FAM76A: variants seen among roughly 807,000 people sequenced by gnomAD.
FAM76A encodes family with sequence similarity 76 member A.
In FAM76A, 32 loss-of-function variants were observed where a neutral mutation model predicts 46.2. The observed-to-expected ratio is 0.69, with a 90% CI of 0.52 to 0.93. The LOEUF (loss-of-function observed/expected upper bound fraction) is 0.93. Ranked by LOEUF, FAM76A falls within the 40% of genes least tolerant of loss-of-function variation. The probability of loss-of-function intolerance (pLI) is 0.00; values close to 1 mark genes in which losing one functional copy is unlikely to be tolerated. For missense variants in FAM76A, 274 were observed against 361.5 expected, an observed-to-expected ratio of 0.76 and a Z score of 1.96; for synonymous variants, 137 against 127.0, an observed-to-expected ratio of 1.08 and a Z score of -0.53.
intron 1 of FAM76A, 79 bp downstream of exon 1, chr1:27,726,240 C>T (rs2087856455): frequency 1.3e-5 from 15 of 1,168,578 alleles, no homozygotes; most frequent in Non-Finnish European, 1.6e-5. Context: ...TGGGGACGCC[C>T]GGCGGGGTCC....
intron 4 of FAM76A, 24 bp from the exon 5 acceptor site, chr1:27,744,627 CTTT>C (rs762953464): frequency 1.2e-5 from 19 of 1,611,790 alleles, no homozygotes; most frequent in Non-Finnish European, 1.6e-5. Context: ...ATTCCCTCTT[CTTT>C]ATCTTTGTCT....
At chr1:27,727,829 A>G (rs1484642891) in intron 2 of FAM76A, among the ~76,000 whole-genome samples, 3 of 97,316 alleles carry the variant, frequency 3.1e-5, no homozygotes, top group African/African-American at 1.1e-4. Flanking sequence ...TTTTTTTGAG[A>G]TGGAGTCTCA....
intron 6 of FAM76A, among the ~76,000 whole-genome samples, chr1:27,754,290 G>C (rs2088376700): frequency 6.6e-6 from 1 of 151,874 alleles, no homozygotes; most frequent in African/African-American, 2.4e-5. Flanking sequence ...ATTTTTAGTA[G>C]AGATGAGGTT....
intron 4 of FAM76A, among the ~76,000 whole-genome samples, chr1:27,739,615 C>T (rs998833309): frequency 2.6e-5 from 4 of 151,932 alleles, no homozygotes; most frequent in African/African-American, 4.8e-5. Context: ...GGCAAAAGCC[C>T]GTCTCTATAA....
intron 2 of FAM76A, 32 bp downstream of exon 2, chr1:27,727,568 T>C (rs2087881685): frequency 1.3e-6 from 2 of 1,546,562 alleles, no homozygotes; most frequent in Admixed American, 3.4e-5. Context: ...AAGATATTAA[T>C]AGGCTTTTTT....
chr1:27,757,747 C>T (rs568589582), intron 7 of FAM76A, among the ~76,000 whole-genome samples: 15 of 152,164 alleles, frequency 9.9e-5, no homozygotes, highest in South Asian at 4.1e-4. Context: ...GAGGCCAAGG[C>T]GGGTGGATCA....
At chr1:27,744,533 A>G (rs2088208647) in intron 4 of FAM76A, 121 bp from the exon 5 acceptor site, 20 of 1,026,482 alleles carry the variant, frequency 1.9e-5, no homozygotes, top group Non-Finnish European at 2.8e-5. Context: ...TGACATGCCC[A>G]AAGTCACAGC....
chr1:27,727,427 C>A (rs1228685918), intron 1 of FAM76A, 45 bp from the exon 2 acceptor site: 2 of 1,554,436 alleles, frequency 1.3e-6, no homozygotes, highest in South Asian at 2.2e-5. Context: ...AAGGCTGTTT[C>A]CATTTGTGAC....
In FAM76A at chr1:27,744,757, G is replaced by T; in HGVS notation, c.458G>T (p.Gly153Val). 6.2e-7 allele frequency: 1 copy of T among 1,614,144 alleles called. No individual in the cohort carries two copies. The highest frequency in any genetic ancestry group is 2.2e-5 in the East Asian group (1 of 44,884). ...CACCTGAGTAGCTCTTCTCGTGCTG[G>T]CCACCAGGAGAAGGAGCAGTATAGT... is the stretch of plus-strand genomic sequence containing the variant. ...RKHLSSSSRA[G>V]HQEKEQYSRL... Residue 153 changes from glycine to valine, a missense_variant, in exon 5 of 9, where the codon GGC (glycine) becomes GTC (valine). Gly to Val is a moderately radical substitution (Grantham distance 109, BLOSUM62 -3). Transcript: ENST00000373954.
At chr1:27,751,228 T>A (rs978820228) in intron 6 of FAM76A, among the ~76,000 whole-genome samples, 3 of 152,228 alleles carry the variant, frequency 2.0e-5, no homozygotes, top group Non-Finnish European at 4.4e-5. Flanking sequence ...AATTTGAAAA[T>A]TTGGAAATGT....
At chr1:27,749,823 A>C (rs1384598768) in intron 6 of FAM76A, among the ~76,000 whole-genome samples, 2 of 152,214 alleles carry the variant, frequency 1.3e-5, no homozygotes, top group African/African-American at 4.8e-5. Flanking sequence ...AACATTCAGA[A>C]AGCCAGCCCA....
chr1:27,741,550 TA>T (rs200110763), intron 4 of FAM76A, among the ~76,000 whole-genome samples: 1 of 151,848 alleles, frequency 6.6e-6, no homozygotes, highest in East Asian at 1.9e-4. Flanking sequence ...AGCTACACTA[TA>T]AAAAAAATTT....
chr1:27,742,299 C>A (rs1262350479), intron 4 of FAM76A, among the ~76,000 whole-genome samples: 2 of 152,206 alleles, frequency 1.3e-5, no homozygotes, highest in African/African-American at 4.8e-5. Context: ...AGTGTGTCCT[C>A]CAGTGGTTTT....
At chr1:27,727,621 T>C (rs1470265567) in intron 2 of FAM76A, 85 bp downstream of exon 2, 10 of 955,142 alleles carry the variant, frequency 1.0e-5, no homozygotes, top group Non-Finnish European at 1.7e-5. Context: ...GTACAGATGC[T>C]ATAATCAGTT....
At position 27,734,126 on chromosome 1, in the gene FAM76A, T is replaced by C. The variant is rs757885667; in HGVS notation, c.297T>C (p.Tyr99=). 3.7e-6 allele frequency: 6 copies of C among 1,612,952 alleles called. No homozygotes were observed. The highest frequency in any genetic ancestry group is 1.7e-5 in the Admixed American group (1 of 59,680). The change falls in exon 4 of 9, where the codon TAT becomes TAC. Residue 99 remains tyrosine (Y), a synonymous_variant. Coordinates refer to ENST00000373954, the MANE Select transcript of FAM76A (RefSeq NM_152660.3). Reference sequence around the variant, plus strand: ...CAGAAAAGAAGTATGGACCACCCTATTCTTGTGAACAGTGCAAGCAGCAGT... The same window carrying C: ...CAGAAAAGAAGTATGGACCACCCTACTCTTGTGAACAGTGCAAGCAGCAGT... ...TNSEKKYGPP[Y]SCEQCKQQCA...
chr1:27,736,977 G>A (rs753582190), intron 4 of FAM76A, among the ~76,000 whole-genome samples: 5 of 150,092 alleles, frequency 3.3e-5, no homozygotes, highest in Non-Finnish European at 7.4e-5. Context: ...ACGGAGTTTC[G>A]CTGTTGTTGT....
intron 5 of FAM76A, among the ~76,000 whole-genome samples, chr1:27,747,404 T>C (rs1053748596): frequency 7.2e-5 from 11 of 152,198 alleles, no homozygotes; most frequent in African/African-American, 2.7e-4. Flanking sequence ...GCAGTATCAG[T>C]GGTATCAAAT....
At position 27,725,981 on chromosome 1, in the gene FAM76A, C is replaced by G. The variant is rs550956639; in HGVS notation, c.-100C>G. 10 of 971,732 alleles carry G rather than the reference C, an allele frequency of 1.0e-5. No individual in the cohort carries two copies. Among genetic ancestry groups the G allele is most frequent in the South Asian group, 5.1e-5 (1 of 19,566 alleles). 60.2% of individuals were successfully genotyped at this position (971,732 alleles called of 1,614,324 possible). ...GACCCGCCTGCGCCCGCCCGCCTGC[C>G]GCAGCCAGCAGCCTGCAGCCGCCGC... On this transcript the variant is annotated 5_prime_UTR_variant, in exon 1 of 9. Transcript: ENST00000373954.
chr1:27,732,022 A>G (rs2087965092), intron 2 of FAM76A, among the ~76,000 whole-genome samples: 1 of 151,922 alleles, frequency 6.6e-6, no homozygotes, highest in Non-Finnish European at 1.5e-5. Flanking sequence ...GAGTTTCACC[A>G]TGTTGGCTGG....
Sources: allele counts gnomAD v4.1 joint callset (sites outside exome capture counted in the v4.1 genomes callset), GRCh38; gene constraint gnomAD v4.1.1; transcripts MANE v1.5; gene names NCBI Gene and HGNC (gene_info 2026-07-23, HGNC 2026-07-21).